The following RFX8 variants were observed in gnomAD, a reference collection of about 807,000 sequenced individuals.
RFX8 encodes the protein DNA-binding protein RFX8.
RFX8 carries 46 observed loss-of-function variants against 54.6 expected under a neutral mutation model. The observed-to-expected ratio is 0.84, with a 90% CI of 0.67 to 1.08. The LOEUF (loss-of-function observed/expected upper bound fraction) is 1.08. Among genes scored for constraint, RFX8 ranks in the 50% least tolerant of loss-of-function variants. RFX8 has a pLI of 0.00. For missense variants in RFX8, 536 were observed against 562.3 expected (o/e 0.95, Z 0.47); for synonymous variants, 192 against 209.5 (o/e 0.92, Z 0.72).
chr2:101,458,113 T>A (rs1558886032), intron 2 of RFX8, among the ~76,000 whole-genome samples: 1 of 152,214 alleles, frequency 6.6e-6, no homozygotes. Context: ...TCTCTGCACA[T>A]GAGATGGGTC....
chr2:101,451,104 C>A (rs1030596026), intron 2 of RFX8, among the ~76,000 whole-genome samples: 2 of 152,108 alleles, frequency 1.3e-5, no homozygotes, highest in African/African-American at 4.8e-5. Context: ...AGCCAAGAGC[C>A]TTCTCTGCAG....
rs1479849472 is a variant in RFX8 at position 101,422,346 on chromosome 2, A to G, written c.183+16T>C. The G allele has an allele frequency of 2.3e-6, 3 of 1,278,398 alleles. No homozygotes were observed. The highest frequency in any genetic ancestry group is 1.5e-5 in the African/African-American group (1 of 68,084). 79.2% of individuals were successfully genotyped at this position (1,278,398 alleles called of 1,614,324 possible). ...TACAGCGTGAAAGGCTAATCTCCCC[A>G]TGAGTGCAAACCTACCATATTACAG... On this transcript the variant is annotated intron_variant, in intron 3 of 11. Coordinates refer to ENST00000428343, the MANE Select transcript of RFX8 (RefSeq NM_001145664.2).
At chr2:101,425,993 T>C (rs1687150224) in intron 2 of RFX8, among the ~76,000 whole-genome samples, 1 of 152,168 alleles carries the variant, frequency 6.6e-6, no homozygotes, top group African/African-American at 2.4e-5. Context: ...AGAGTGACTA[T>C]AGTTCACAAA....
intron 1 of RFX8, among the ~76,000 whole-genome samples, chr2:101,469,024 ATATATACG>A (rs1348404590): frequency 1.7e-4 from 8 of 46,228 alleles, no homozygotes; most frequent in East Asian, 5.6e-4. Flanking sequence ...ATAGGTATAT[ATATATACG>A]TATATATATG....
At chr2:101,453,542 G>A (rs896587954) in intron 2 of RFX8, among the ~76,000 whole-genome samples, 17 of 151,982 alleles carry the variant, frequency 1.1e-4, no homozygotes, top group Admixed American at 6.6e-4. Context: ...AGAGTGCATC[G>A]CACTCTAGCC....
chr2:101,461,708 T>C (rs1689291214), intron 2 of RFX8, among the ~76,000 whole-genome samples: 1 of 152,194 alleles, frequency 6.6e-6, no homozygotes, highest in South Asian at 2.1e-4. Context: ...TCAACTGGGA[T>C]AACTTGCAGA....
chr2:101,405,804 T>C (rs1473705730), intron 10 of RFX8, 139 bp downstream of exon 10: 1 of 488,448 alleles, frequency 2.0e-6, no homozygotes, highest in Admixed American at 4.1e-5. Flanking sequence ...TTGTATGGTT[T>C]GCTGTATCTA....
In RFX8 at chr2:101,408,394, A is replaced by G. The variant is rs1685879939; in HGVS notation, c.813+2225T>C. ...CAGCTACTCGGGAGGCTGAGGCAGG[A>G]GAATGGCGTGAACCCTGGGGGCGGA... On this transcript the variant is annotated intron_variant, in intron 9 of 11. Coordinates refer to ENST00000428343, the MANE Select transcript of RFX8 (RefSeq NM_001145664.2). Among the ~76,000 whole-genome samples the G allele has an allele frequency of 2.6e-5, 4 of 152,062 alleles. No individual in the cohort carries two copies. The South Asian group carries it at 8.3e-4, about 32-fold the overall frequency.
rs190701631 is a variant in RFX8 at position 101,426,699 on chromosome 2, A to T, written c.73-4227T>A. On this transcript the variant is annotated intron_variant, in intron 2 of 11. Coordinates refer to ENST00000428343, the MANE Select transcript of RFX8 (RefSeq NM_001145664.2). ...GTTACATGCTACCATTCATCTACTC[A>T]TTCTTTAGTGAGCATGCACTAGGTG... Among the ~76,000 whole-genome samples, 3 of 152,226 alleles carry T rather than the reference A, an allele frequency of 2.0e-5. No individual in the cohort carries two copies. In the East Asian group the frequency reaches 5.8e-4, roughly 29 times the overall value.
At chr2:101,434,963 T>A (rs571860980) in intron 2 of RFX8, 33 of 152,380 alleles carry the variant, frequency 2.2e-4, no homozygotes, top group African/African-American at 5.8e-4. Context: ...GAAAACAGCT[T>A]CCTGCTTGGG....
chr2:101,424,752 A>C (rs1461947955), intron 2 of RFX8, among the ~76,000 whole-genome samples: 1 of 152,168 alleles, frequency 6.6e-6, no homozygotes, highest in Non-Finnish European at 1.5e-5. Flanking sequence ...CATTCTGAGC[A>C]AACTATCGCA....
At chr2:101,431,858 G>A (rs938997874) in intron 2 of RFX8, among the ~76,000 whole-genome samples, 16 of 152,182 alleles carry the variant, frequency 1.1e-4, no homozygotes, top group African/African-American at 3.9e-4. Context: ...CTGAAGGGAC[G>A]TGCCTGCCAT....
At chr2:101,406,543 T>A (rs1268295198) in intron 9 of RFX8, among the ~76,000 whole-genome samples, 1 of 152,020 alleles carries the variant, frequency 6.6e-6, no homozygotes, top group South Asian at 2.1e-4. Context: ...GGTCTCACTA[T>A]GTTGCTCAAG....
intron 1 of RFX8, among the ~76,000 whole-genome samples, chr2:101,469,900 G>A (rs1391293519): frequency 1.3e-5 from 2 of 152,158 alleles, no homozygotes; most frequent in Non-Finnish European, 2.9e-5. Context: ...CTTCGGATGT[G>A]AGCCCTGTGT....
chr2:101,465,975 CCATATTAGAAGATT>C (rs1248669650), intron 2 of RFX8, among the ~76,000 whole-genome samples: 1 of 152,212 alleles, frequency 6.6e-6, no homozygotes, highest in Non-Finnish European at 1.5e-5. Flanking sequence ...TGAGCAGCCT[CCATATTAGAAGATT>C]CTGTGATTAT....
intron 2 of RFX8, among the ~76,000 whole-genome samples, chr2:101,438,547 G>T (rs6718464): frequency 3.3e-5 from 5 of 152,190 alleles, no homozygotes; most frequent in African/African-American, 1.2e-4. Flanking sequence ...GAATGTTTGT[G>T]TGCAAGTTTC....
At chr2:101,446,410 G>A (rs567178072) in intron 2 of RFX8, among the ~76,000 whole-genome samples, 2 of 130,484 alleles carry the variant, frequency 1.5e-5, no homozygotes, top group South Asian at 2.5e-4. Flanking sequence ...TCCTGACCTC[G>A]TGATCCACTC....
intron 10 of RFX8, among the ~76,000 whole-genome samples, chr2:101,403,201 C>G (rs1685546674): frequency 6.6e-6 from 1 of 152,140 alleles, no homozygotes; most frequent in South Asian, 2.1e-4. Context: ...CGCCTTGCCC[C>G]TCTTGCAGAC....
intron 2 of RFX8, among the ~76,000 whole-genome samples, chr2:101,462,292 TG>T (rs1689327403): frequency 6.6e-6 from 1 of 152,026 alleles, no homozygotes; most frequent in African/African-American, 2.4e-5. Flanking sequence ...ATTAACCAGG[TG>T]TGGTGGCACA....
Sources: allele counts gnomAD v4.1 joint callset (sites outside exome capture counted in the v4.1 genomes callset), GRCh38; gene constraint gnomAD v4.1.1; transcripts MANE v1.5; gene names NCBI Gene and HGNC (gene_info 2026-07-23, HGNC 2026-07-21).